GYS2: variants seen among roughly 807,000 people sequenced by gnomAD.
GYS2 encodes the protein glycogen synthase 2, also known as glycogen [starch] synthase, liver.
A neutral mutation model predicts 85.6 loss-of-function variants in GYS2; 80 were observed. The observed-to-expected ratio is 0.93, with a 90% confidence interval of 0.78 to 1.13. The LOEUF (loss-of-function observed/expected upper bound fraction) is 1.13. GYS2 is among the 50% of genes most tolerant of loss of function. The pLI, the probability that GYS2 is intolerant of heterozygous loss-of-function variation, is 0.00. For synonymous variants in GYS2, 328 were observed against 300.7 expected (o/e 1.09, Z -0.94); for missense variants, 881 against 854.9 (o/e 1.03, Z -0.38).
At chr12:21,598,560 A>G (rs763353712) in intron 1 of GYS2, among the ~76,000 whole-genome samples, 16 of 151,940 alleles carry the variant, frequency 1.1e-4, no homozygotes, top group Non-Finnish European at 2.2e-4. Context: ...AGTTTTTACT[A>G]TTTATAAAGC....
chr12:21,549,577 G>T (rs577572357), intron 11 of GYS2, among the ~76,000 whole-genome samples: 115 of 152,310 alleles, frequency 7.6e-4, no homozygotes, highest in African/African-American at 2.5e-3. Context: ...TCGCTTTAGA[G>T]TCCTTCAATT....
At chr12:21,582,154 A>G (rs1307894404) in intron 1 of GYS2, among the ~76,000 whole-genome samples, 2 of 152,176 alleles carry the variant, frequency 1.3e-5, no homozygotes, top group East Asian at 3.9e-4. Flanking sequence ...CAAAAAAACC[A>G]ACCTCATTAG....
Position 21,556,172 on chromosome 12 carries a change from T to C in GYS2, c.1422+2028A>G, listed in dbSNP as rs545678087. 3.9e-5 allele frequency among the ~76,000 whole-genome samples: 6 copies of C among 152,276 alleles called. No homozygotes were observed. In the South Asian group the frequency reaches 1.2e-3, roughly 32 times the overall value. ...CTCTACTCATTCAACCTAGTCTTTT[T>C]AATTTTTGTTTTTGTGTTTTTTGTG... On this transcript the variant is annotated intron_variant, in intron 11 of 15. Transcript: ENST00000261195.
chr12:21,577,978 G>A (rs147169606), intron 2 of GYS2, among the ~76,000 whole-genome samples: 34 of 152,120 alleles, frequency 2.2e-4, no homozygotes, highest in African/African-American at 6.5e-4. Context: ...TAACCTCATG[G>A]TTACTTGACC....
intron 1 of GYS2, among the ~76,000 whole-genome samples, chr12:21,600,113 TC>T (rs1212968720): frequency 3.3e-5 from 5 of 152,114 alleles, no homozygotes; most frequent in Admixed American, 6.6e-5. Flanking sequence ...AATTGATGGA[TC>T]TTTTTGCTTT....
intron 13 of GYS2, among the ~76,000 whole-genome samples, chr12:21,542,182 G>C (rs572203117): frequency 2.0e-5 from 3 of 152,100 alleles, no homozygotes; most frequent in Admixed American, 2.0e-4. Context: ...GGAGTAGCTG[G>C]AATTACAGGC....
chr12:21,601,405 T>C (rs1278932916), intron 1 of GYS2, among the ~76,000 whole-genome samples: 5 of 152,126 alleles, frequency 3.3e-5, no homozygotes, highest in Admixed American at 2.6e-4. Flanking sequence ...CCCCCTGAGC[T>C]TCACAATCTA....
intron 5 of GYS2, among the ~76,000 whole-genome samples, chr12:21,566,186 T>A (rs911595562): frequency 6.6e-6 from 1 of 152,164 alleles, no homozygotes; most frequent in South Asian, 2.1e-4. Context: ...ATAGTGACAT[T>A]TTGAAAAATA....
At chr12:21,590,367 G>A (rs1944623457) in intron 1 of GYS2, among the ~76,000 whole-genome samples, 1 of 152,140 alleles carries the variant, frequency 6.6e-6, no homozygotes, top group African/African-American at 2.4e-5. Context: ...ACAGCCTTGT[G>A]CCATCCACCA....
chr12:21,542,419 G>T, intron 13 of GYS2, 77 bp downstream of exon 13: 1 of 860,796 alleles, frequency 1.2e-6, no homozygotes, highest in Non-Finnish European at 2.0e-6. Flanking sequence ...TTTAGAGTTA[G>T]GCTCTGTAAA....
At chr12:21,590,109 C>G (rs1944618219) in intron 1 of GYS2, among the ~76,000 whole-genome samples, 1 of 152,146 alleles carries the variant, frequency 6.6e-6, no homozygotes, top group African/African-American at 2.4e-5. Flanking sequence ...GGCTGAAACA[C>G]ATGCCCACCA....
chr12:21,557,758 G>A (rs1382017357), intron 11 of GYS2, among the ~76,000 whole-genome samples: 2 of 152,098 alleles, frequency 1.3e-5, no homozygotes, highest in African/African-American at 4.8e-5. Flanking sequence ...AATTAGCCGG[G>A]CATGGTTGCG....
intron 1 of GYS2, among the ~76,000 whole-genome samples, chr12:21,587,460 T>C (rs1431910613): frequency 1.3e-5 from 2 of 152,160 alleles, no homozygotes; most frequent in Non-Finnish European, 2.9e-5. Flanking sequence ...CTTCTCGTGA[T>C]AGTGAGTTCT....
At chr12:21,597,050 G>T (rs917168366) in intron 1 of GYS2, among the ~76,000 whole-genome samples, 3 of 151,802 alleles carry the variant, frequency 2.0e-5, no homozygotes, top group Non-Finnish European at 2.9e-5. Flanking sequence ...CATATAAAAC[G>T]TACTCTCAAG....
Position 21,539,270 on chromosome 12 carries a change from T to C in GYS2, c.1878A>G (p.Thr626=), listed in dbSNP as rs774943360. The change falls in exon 15 of 16, where the codon ACA becomes ACG. Residue 626 remains threonine, a synonymous_variant. Transcript: ENST00000261195. ...AFPDKFHVEL[T]SPPTTEGFKY... ...ATTGAATATTTACCGTTGGTGGTGA[T>C]GTTAGTTCCACATGGAATTTATCTG... 1.5e-5 allele frequency: 23 copies of C among 1,565,926 alleles called. No individual in the cohort carries two copies. Among genetic ancestry groups the C allele is most frequent in the Non-Finnish European group, 1.8e-5 (21 of 1,136,180 alleles).
chr12:21,576,416 T>C (rs867444978), intron 2 of GYS2, among the ~76,000 whole-genome samples: 2 of 152,346 alleles, frequency 1.3e-5, no homozygotes, highest in Middle Eastern at 3.4e-3. Context: ...TTTGTATCTC[T>C]GAAAACCTGG....
At chr12:21,549,524 A>C (rs1366003855) in intron 11 of GYS2, among the ~76,000 whole-genome samples, 1 of 152,158 alleles carries the variant, frequency 6.6e-6, no homozygotes, top group Non-Finnish European at 1.5e-5. Context: ...TTTTTAAACC[A>C]AAGGATCCAG....
At chr12:21,532,692 A>C (rs1021993045), downstream of GYS2, 6 of 152,208 alleles carry the variant, frequency 3.9e-5, no homozygotes, top group Non-Finnish European at 8.8e-5. Context: ...TTTACCCATC[A>C]GACATAAAAT....
At chr12:21,584,266 G>A (rs564877625) in intron 1 of GYS2, among the ~76,000 whole-genome samples, 91 of 152,282 alleles carry the variant, frequency 6.0e-4, no homozygotes, top group African/African-American at 2.1e-3. Flanking sequence ...TCAGGGACTT[G>A]GAAAAAGCAT....
Sources: allele counts gnomAD v4.1 joint callset (sites outside exome capture counted in the v4.1 genomes callset), GRCh38; gene constraint gnomAD v4.1.1; transcripts MANE v1.5; gene names NCBI Gene and HGNC (gene_info 2026-07-23, HGNC 2026-07-21).